Variants in SH3RF3 observed in about 807,000 individuals in gnomAD.
SH3RF3 encodes E3 ubiquitin-protein ligase SH3RF3.
A neutral mutation model predicts 66.3 loss-of-function variants in SH3RF3; 29 were observed. The ratio of observed to expected loss-of-function variants is 0.44; its 90% confidence interval spans 0.33 to 0.60. The LOEUF (loss-of-function observed/expected upper bound fraction) is 0.60, where lower values mean the gene tolerates loss of function less well. Ranked by LOEUF, SH3RF3 falls within the 20% of genes least tolerant of loss-of-function variation. The probability of loss-of-function intolerance (pLI) is 0.04; values close to 1 mark genes in which losing one functional copy is unlikely to be tolerated. For missense variants in SH3RF3, 1,194 were observed against 1,190.9 expected (o/e 1.00, Z -0.04); for synonymous variants, 583 against 532.0 (o/e 1.10, Z -1.32).
At chr2:109,290,091 T>C (rs1681128564) in intron 1 of SH3RF3, among the ~76,000 whole-genome samples, 1 of 152,218 alleles carries the variant, frequency 6.6e-6, no homozygotes, top group Non-Finnish European at 1.5e-5. Context: ...GTGATGCCAA[T>C]GCTGCTGGTC....
chr2:109,251,365 A>G (rs965056379), intron 1 of SH3RF3: 3 of 624,014 alleles, frequency 4.8e-6, no homozygotes, highest in South Asian at 1.5e-5. Context: ...CCGCGGGAGC[A>G]TGAGGGAGTC....
intron 1 of SH3RF3, among the ~76,000 whole-genome samples, chr2:109,301,333 G>C (rs1310382498): frequency 1.1e-5 from 1 of 89,918 alleles, no homozygotes; most frequent in African/African-American, 9.1e-5. Context: ...GTATCTGTGT[G>C]ACGTGTGTGT....
At chr2:109,395,437 G>GGCT (rs767239538) in intron 3 of SH3RF3, among the ~76,000 whole-genome samples, 14 of 152,200 alleles carry the variant, frequency 9.2e-5, no homozygotes, top group Non-Finnish European at 2.1e-4. Context: ...TCGCCTGCCT[G>GGCT]GCTGCTGCAG....
At chr2:109,255,625 C>T (rs1173277798) in intron 1 of SH3RF3, among the ~76,000 whole-genome samples, 1 of 152,200 alleles carries the variant, frequency 6.6e-6, no homozygotes, top group African/African-American at 2.4e-5. Flanking sequence ...AATTTGAACA[C>T]CTTTTGAGAA....
intron 1 of SH3RF3, among the ~76,000 whole-genome samples, chr2:109,313,367 C>T (rs955664220): frequency 4.6e-5 from 7 of 152,230 alleles, no homozygotes; most frequent in Non-Finnish European, 7.3e-5. Flanking sequence ...GCCTAATGCA[C>T]AGCCCGGGAT....
At chr2:109,487,479 G>A (rs765999370) in intron 8 of SH3RF3, among the ~76,000 whole-genome samples, 20 of 152,342 alleles carry the variant, frequency 1.3e-4, no homozygotes, top group Non-Finnish European at 2.5e-4. Context: ...GAAGGCGGAC[G>A]TTTTGGAGAG....
chr2:109,383,377 A>G (rs979152154), intron 3 of SH3RF3, among the ~76,000 whole-genome samples: 1 of 152,072 alleles, frequency 6.6e-6, no homozygotes, highest in African/African-American at 2.4e-5. Flanking sequence ...GATCTATCCT[A>G]CAGGTCTCGG....
At chr2:109,417,463 C>G (rs1316465722) in intron 4 of SH3RF3, among the ~76,000 whole-genome samples, 2 of 152,220 alleles carry the variant, frequency 1.3e-5, no homozygotes, top group African/African-American at 4.8e-5. Flanking sequence ...ATGCCCCCTT[C>G]CAGCCCTGTT....
intron 5 of SH3RF3, among the ~76,000 whole-genome samples, chr2:109,429,016 A>T (rs547027917): frequency 6.6e-6 from 1 of 152,296 alleles, no homozygotes; most frequent in South Asian, 2.1e-4. Context: ...GGCAGTCCTG[A>T]CAGGACTCAA....
chr2:109,219,289 C>A (rs1050605083), intron 1 of SH3RF3, among the ~76,000 whole-genome samples: 5 of 136,526 alleles, frequency 3.7e-5, no homozygotes, highest in Admixed American at 1.6e-4. Context: ...AGTATTATTT[C>A]CAAAACATTT....
At chr2:109,349,660 G>A (rs1682797221) in intron 2 of SH3RF3, among the ~76,000 whole-genome samples, 1 of 152,220 alleles carries the variant, frequency 6.6e-6, no homozygotes, top group South Asian at 2.1e-4. Context: ...GCTCCAGGCT[G>A]CAGAGCCGAG....
chr2:109,251,543 T>C, intron 1 of SH3RF3: 2 of 765,766 alleles, frequency 2.6e-6, no homozygotes, highest in South Asian at 2.7e-5. Context: ...ATGAATCTTG[T>C]GATAGATGAA....
chr2:109,225,866 A>G (rs1352815151), intron 1 of SH3RF3, among the ~76,000 whole-genome samples: 2 of 152,206 alleles, frequency 1.3e-5, no homozygotes, highest in Non-Finnish European at 2.9e-5. Flanking sequence ...CCTGGGATGA[A>G]GTGATCCTCC....
chr2:109,482,174 C>G (rs1678852741), intron 8 of SH3RF3, among the ~76,000 whole-genome samples: 1 of 152,110 alleles, frequency 6.6e-6, no homozygotes, highest in Admixed American at 6.6e-5. Flanking sequence ...ATCTCAGAGC[C>G]TGTTTTTTCT....
At chr2:109,150,944 T>G (rs577009986) in intron 1 of SH3RF3, among the ~76,000 whole-genome samples, 1 of 152,330 alleles carries the variant, frequency 6.6e-6, no homozygotes, top group Admixed American at 6.5e-5. Context: ...AGCTAGTTAT[T>G]TCAAGGTGCT....
At chr2:109,314,751 T>G (rs1681831755) in intron 1 of SH3RF3, among the ~76,000 whole-genome samples, 1 of 152,226 alleles carries the variant, frequency 6.6e-6, no homozygotes, top group Non-Finnish European at 1.5e-5. Context: ...AATTTCTTAT[T>G]CTGTAAATTA....
chr2:109,391,499 G>A (rs1675996007), intron 3 of SH3RF3, among the ~76,000 whole-genome samples: 1 of 152,230 alleles, frequency 6.6e-6, no homozygotes, highest in Admixed American at 6.5e-5. Context: ...CTCCTGCAGT[G>A]CTCTAGTGTT....
intron 1 of SH3RF3, among the ~76,000 whole-genome samples, chr2:109,158,647 G>T (rs1334052860): frequency 6.6e-6 from 1 of 152,218 alleles, no homozygotes; most frequent in Non-Finnish European, 1.5e-5. Context: ...TCTAAGTCGT[G>T]AGAGCATCCC....
At chr2:109,296,940 G>C (rs1369433712) in intron 1 of SH3RF3, among the ~76,000 whole-genome samples, 1 of 152,120 alleles carries the variant, frequency 6.6e-6, no homozygotes, top group Non-Finnish European at 1.5e-5. Context: ...GGATTAACTA[G>C]GCCTGGGGAC....
Sources: allele counts gnomAD v4.1 joint callset (sites outside exome capture counted in the v4.1 genomes callset), GRCh38; gene constraint gnomAD v4.1.1; transcripts MANE v1.5; gene names NCBI Gene and HGNC (gene_info 2026-07-23, HGNC 2026-07-21).